GPBP1L1: variants seen among roughly 807,000 people sequenced by gnomAD.
The protein encoded by GPBP1L1 is vasculin-like protein 1.
Under a neutral mutation model 52.5 loss-of-function variants are expected in GPBP1L1, and 23 were observed. The ratio of observed to expected loss-of-function variants is 0.44; its 90% confidence interval spans 0.32 to 0.62. The LOEUF (loss-of-function observed/expected upper bound fraction) is 0.62, where lower values mean the gene tolerates loss of function less well. GPBP1L1 is among the 20% of genes least tolerant of loss of function. The pLI is 0.06. For synonymous variants in GPBP1L1, 243 were observed against 203.1 expected, an observed-to-expected ratio of 1.20 and a Z score of -1.67; for missense variants, 596 against 579.3, an observed-to-expected ratio of 1.03 and a Z score of -0.30.
At chr1:45,651,147 A>T (rs1444579767) in intron 6 of GPBP1L1, 2 of 497,440 alleles carry the variant, frequency 4.0e-6, no homozygotes, top group Non-Finnish European at 8.0e-6. Context: ...CGTATCTGTC[A>T]TTGTAATTGA....
At chr1:45,677,031 A>C (rs555698518) in intron 2 of GPBP1L1, among the ~76,000 whole-genome samples, 10 of 152,014 alleles carry the variant, frequency 6.6e-5, no homozygotes, top group South Asian at 2.1e-4. Context: ...CCAAAAAAAA[A>C]CAAAACAAAG....
intron 2 of GPBP1L1, among the ~76,000 whole-genome samples, chr1:45,668,041 T>A (rs1216041552): frequency 6.6e-6 from 1 of 152,086 alleles, no homozygotes; most frequent in Non-Finnish European, 1.5e-5. Flanking sequence ...TGCCCTCTAG[T>A]CTTAACAAAA....
intron 2 of GPBP1L1, among the ~76,000 whole-genome samples, chr1:45,672,345 A>C (rs1387315385): frequency 1.3e-5 from 1 of 74,714 alleles, no homozygotes; most frequent in Admixed American, 1.4e-4. Flanking sequence ...CCAGGCGACA[A>C]AAAAAAAAAA....
chr1:45,647,025 C>T (rs528107158), intron 6 of GPBP1L1, among the ~76,000 whole-genome samples: 2 of 151,768 alleles, frequency 1.3e-5, no homozygotes, highest in East Asian at 3.9e-4. Flanking sequence ...CCTTCGCTGT[C>T]TAATTCTTGA....
intron 6 of GPBP1L1, among the ~76,000 whole-genome samples, chr1:45,648,766 G>A (rs1366232934): frequency 2.0e-5 from 3 of 152,168 alleles, no homozygotes; most frequent in Non-Finnish European, 4.4e-5. Context: ...AGTGGCTCAC[G>A]CCTGTAATCC....
chr1:45,643,301 T>C (rs1236187906), intron 6 of GPBP1L1, among the ~76,000 whole-genome samples: 1 of 152,104 alleles, frequency 6.6e-6, no homozygotes, highest in Admixed American at 6.5e-5. Flanking sequence ...GAAAGAGGTA[T>C]CTGGCAAAGC....
At chr1:45,637,122 A>C (rs1644603270) in intron 8 of GPBP1L1, among the ~76,000 whole-genome samples, 2 of 152,178 alleles carry the variant, frequency 1.3e-5, no homozygotes, top group African/African-American at 2.4e-5. Context: ...CCAGGCAGAG[A>C]AGCACAATTT....
At chr1:45,645,209 G>A (rs1327031391) in intron 6 of GPBP1L1, among the ~76,000 whole-genome samples, 2 of 152,102 alleles carry the variant, frequency 1.3e-5, no homozygotes, top group African/African-American at 4.8e-5. Context: ...CACAATCCAG[G>A]CAGTAGAGCC....
At chr1:45,655,385 A>G in intron 4 of GPBP1L1, 66 bp from the exon 5 acceptor site, 1 of 1,547,214 alleles carries the variant, frequency 6.5e-7, no homozygotes, top group Non-Finnish European at 8.9e-7. Context: ...ATATCTTAAT[A>G]GGCTTTGCAT....
chr1:45,655,244 G>A lies in GPBP1L1; in HGVS notation c.136C>T (p.Arg46Ter). The A allele has an allele frequency of 2.5e-6, 4 of 1,614,118 alleles. No individual in the cohort carries two copies. The highest frequency in any genetic ancestry group is 1.1e-5 in the South Asian group (1 of 91,076). ...AAAAAACCATCAGAGGAATTATGTC[G>A]ACGGCGGCTTACTCCAAATCTACCT... ...GEGRFGVSRR[R>*]HNSSDGFFNN... Residue 46 changes from arginine (R) to a stop codon, truncating the protein, a stop_gained, in exon 5 of 13, where the codon CGA (arginine) becomes TGA (stop). Transcript: ENST00000355105. LOFTEE classifies it high-confidence loss of function.
chr1:45,642,348 G>A, intron 7 of GPBP1L1, 79 bp downstream of exon 7: 1 of 902,894 alleles, frequency 1.1e-6, no homozygotes, highest in South Asian at 1.4e-5. Context: ...GAGATAAAAA[G>A]AGATAAGGAA....
At chr1:45,675,329 AAAT>A (rs978832603) in intron 2 of GPBP1L1, among the ~76,000 whole-genome samples, 5 of 152,112 alleles carry the variant, frequency 3.3e-5, no homozygotes, top group South Asian at 4.2e-4. Flanking sequence ...AAAAATAAAA[AAAT>A]AAAAAATTCT....
chr1:45,687,250 G>GT (rs1645302461), upstream of GPBP1L1: 1 of 152,318 alleles, frequency 6.6e-6, no homozygotes, highest in Admixed American at 6.5e-5. Flanking sequence ...CGACAGTGCC[G>GT]TTTCTCCTAC....
intron 6 of GPBP1L1, among the ~76,000 whole-genome samples, chr1:45,645,284 A>T (rs1644729700): frequency 6.6e-6 from 1 of 152,184 alleles, no homozygotes; most frequent in African/African-American, 2.4e-5. Flanking sequence ...GCCTAGAAGT[A>T]TGTATTTTTC....
At position 45,655,126 on chromosome 1, in the gene GPBP1L1, C is replaced by A. The variant is rs968162178; in HGVS notation, c.190+64G>T. On this transcript the variant is annotated intron_variant, in intron 5 of 12. Transcript: ENST00000355105. ...TATTTCAAGATTACAGACATGTACC[C>A]ACAGCCTGGGCTTGTCCTAAATGAG... 5.0e-6 allele frequency: 8 copies of A among 1,594,480 alleles called. No homozygotes were observed. In the African/African-American group the frequency reaches 8.1e-5, roughly 16 times the overall value.
Position 45,686,457 on chromosome 1 carries a change from G to A in GPBP1L1, c.-1188C>T, listed in dbSNP as rs1182144183. The A allele has an allele frequency of 6.6e-6, 1 of 152,396 alleles. No homozygotes were observed. The highest frequency in any genetic ancestry group is 1.5e-5 in the Non-Finnish European group (1 of 68,172). 9.4% of individuals were successfully genotyped at this position (152,396 alleles called of 1,614,324 possible). A position where few individuals can be genotyped will look rare whatever the true frequency, so the allele number is the denominator to read the frequency against. ...GCCAGGGACTAGACGCTGCGTCTGAGGACGCGTCCCCAGCTTGTCGACCCG... is the reference window on the plus strand; with the variant it reads ...GCCAGGGACTAGACGCTGCGTCTGAAGACGCGTCCCCAGCTTGTCGACCCG... On this transcript the variant is annotated 5_prime_UTR_variant, in exon 1 of 13. Transcript: ENST00000355105.
rs772820297 is a variant in GPBP1L1 at position 45,654,696 on chromosome 1, T to C, written c.324A>G (p.Gln108=). Residue 108 remains glutamine (Q), a synonymous_variant, in exon 6 of 13, where the codon CAA becomes CAG. Coordinates refer to ENST00000355105, the MANE Select transcript of GPBP1L1 (RefSeq NM_021639.5). ...GGTTCCCTGTGCCACCTCCACTACG[T>C]TGGCTCATGCCATCATGACCTCGGG... ...SSSRGHDGMS[Q]RSGGGTGNHR... 10 of 1,614,206 alleles carry C rather than the reference T, an allele frequency of 6.2e-6. 1 individual carries two copies. In the East Asian group the frequency reaches 8.9e-5, roughly 14 times the overall value.
intron 2 of GPBP1L1, among the ~76,000 whole-genome samples, chr1:45,680,956 A>G (rs778629502): frequency 1.3e-5 from 2 of 152,212 alleles, no homozygotes; most frequent in African/African-American, 4.8e-5. Context: ...TGCTGAGACA[A>G]CTATTCATTA....
chr1:45,686,132 T>G (rs1645279626), intron 1 of GPBP1L1, among the ~76,000 whole-genome samples: 1 of 152,214 alleles, frequency 6.6e-6, no homozygotes, highest in South Asian at 2.1e-4. Context: ...CAGGTGAGCG[T>G]TCCGACCCGA....
Sources: allele counts gnomAD v4.1 joint callset (sites outside exome capture counted in the v4.1 genomes callset), GRCh38; gene constraint gnomAD v4.1.1; transcripts MANE v1.5; gene names NCBI Gene and HGNC (gene_info 2026-07-23, HGNC 2026-07-21).